MTA3: variants seen among roughly 807,000 people sequenced by gnomAD.
The protein encoded by MTA3 is metastasis-associated protein MTA3.
Under a neutral mutation model 83.5 loss-of-function variants are expected in MTA3, and 34 were observed. The ratio of observed to expected loss-of-function variants is 0.41; its 90% CI spans 0.31 to 0.54. MTA3 has a LOEUF of 0.54. MTA3 is among the 20% of genes least tolerant of loss of function. MTA3 has a pLI of 0.33. For synonymous variants in MTA3, 303 were observed against 252.7 expected (o/e 1.20, Z -1.89); for missense variants, 761 against 726.4 (o/e 1.05, Z -0.55).
chr2:42,566,066 T>C (rs1677898744), upstream of MTA3, among the ~76,000 whole-genome samples: 1 of 152,064 alleles, frequency 6.6e-6, no homozygotes, highest in Non-Finnish European at 1.5e-5. Flanking sequence ...CCAGTAGTCA[T>C]ATTTTGTAAC....
chr2:42,525,862 G>A (rs538966267), intron 2 of MTA3, among the ~76,000 whole-genome samples: 6 of 151,808 alleles, frequency 4.0e-5, no homozygotes, highest in Non-Finnish European at 7.4e-5. Flanking sequence ...GTTTCACCTC[G>A]TTGCCCAAGC....
chr2:42,519,355 CAGCACTTTGAG>C (rs1163628045), intron 2 of MTA3, among the ~76,000 whole-genome samples: 3 of 151,610 alleles, frequency 2.0e-5, no homozygotes, highest in Non-Finnish European at 4.4e-5. Flanking sequence ...ACTGTGATCC[CAGCACTTTGAG>C]AGGCTTAGGC....
At chr2:42,499,798 AAGAC>A (rs1180861458) in intron 2 of MTA3, among the ~76,000 whole-genome samples, 3 of 152,062 alleles carry the variant, frequency 2.0e-5, no homozygotes, top group Admixed American at 6.6e-5. Flanking sequence ...GAATAATAAA[AAGAC>A]AGAAAGAAAC....
At chr2:42,512,329 G>GT (rs1674942174) in intron 2 of MTA3, among the ~76,000 whole-genome samples, 2 of 152,128 alleles carry the variant, frequency 1.3e-5, no homozygotes, top group African/African-American at 4.8e-5. Flanking sequence ...AGCTTTCCTA[G>GT]TTTTTCGGGA....
chr2:42,584,726 G>A (rs1380950128), intron 3 of MTA3, among the ~76,000 whole-genome samples: 1 of 151,992 alleles, frequency 6.6e-6, no homozygotes, highest in Non-Finnish European at 1.5e-5. Context: ...GATTAGCTGG[G>A]TGTGGTGGCA....
chr2:42,685,820 A>G (rs912051298), intron 9 of MTA3, among the ~76,000 whole-genome samples: 2 of 151,922 alleles, frequency 1.3e-5, no homozygotes, highest in African/African-American at 2.4e-5. Flanking sequence ...TTTTTGTGGT[A>G]GTTGTTGTTT....
intron 4 of MTA3, among the ~76,000 whole-genome samples, chr2:42,624,009 G>T (rs528793912): frequency 6.6e-6 from 1 of 151,924 alleles, no homozygotes. Context: ...CACTTCGCCC[G>T]GTCTGGTAGT....
intron 9 of MTA3, among the ~76,000 whole-genome samples, chr2:42,684,198 C>G (rs1227395836): frequency 6.6e-6 from 1 of 152,066 alleles, no homozygotes; most frequent in Non-Finnish European, 1.5e-5. Flanking sequence ...GGTGAAATTT[C>G]CATTTGAGAT....
intron 2 of MTA3, among the ~76,000 whole-genome samples, chr2:42,497,235 A>G (rs1365953804): frequency 6.6e-6 from 1 of 151,230 alleles, no homozygotes; most frequent in Non-Finnish European, 1.5e-5. Flanking sequence ...AAAAAACAAA[A>G]CAAACAAAAC....
intron 14 of MTA3, among the ~76,000 whole-genome samples, chr2:42,718,451 G>A (rs1667180745): frequency 6.6e-6 from 1 of 151,286 alleles, no homozygotes; most frequent in African/African-American, 2.4e-5. Flanking sequence ...TCTCCATGTT[G>A]GACAGGCTGG....
intron 8 of MTA3, among the ~76,000 whole-genome samples, chr2:42,669,170 C>T (rs749166057): frequency 1.3e-5 from 2 of 151,266 alleles, no homozygotes; most frequent in African/African-American, 4.9e-5. Flanking sequence ...CTGCAACCTC[C>T]ACCTTCTGGG....
At chr2:42,721,334 T>C (rs1667395281) in intron 15 of MTA3, among the ~76,000 whole-genome samples, 2 of 150,862 alleles carry the variant, frequency 1.3e-5, no homozygotes, top group East Asian at 3.9e-4. Context: ...CTTTTTCTTT[T>C]TTTTTTTTTT....
intron 2 of MTA3, among the ~76,000 whole-genome samples, chr2:42,549,837 A>C (rs1244611208): frequency 6.7e-6 from 1 of 150,108 alleles, no homozygotes; most frequent in Non-Finnish European, 1.5e-5. Flanking sequence ...GTCCCACTGT[A>C]AGATGAAATC....
chr2:42,643,645 C>G (rs1469505321), intron 5 of MTA3, among the ~76,000 whole-genome samples: 1 of 152,158 alleles, frequency 6.6e-6, no homozygotes, highest in Non-Finnish European at 1.5e-5. Flanking sequence ...GTAAGTTCAA[C>G]TCATGCAGTT....
chr2:42,518,377 GACAA>G (rs916419470), intron 2 of MTA3, among the ~76,000 whole-genome samples: 2 of 152,070 alleles, frequency 1.3e-5, no homozygotes, highest in African/African-American at 2.4e-5. Flanking sequence ...TGCTCAAACA[GACAA>G]ACAAATAAAA....
intron 2 of MTA3, among the ~76,000 whole-genome samples, chr2:42,508,610 G>A (rs1674748690): frequency 6.6e-6 from 1 of 151,896 alleles, no homozygotes; most frequent in African/African-American, 2.4e-5. Flanking sequence ...TGGGATTACA[G>A]GTGTGAGCCA....
At chr2:42,682,201 A>G (rs922756337) in intron 8 of MTA3, among the ~76,000 whole-genome samples, 200 bp from the exon 9 acceptor site, 9 of 152,180 alleles carry the variant, frequency 5.9e-5, no homozygotes, top group African/African-American at 2.2e-4. Context: ...CCTCCCCCCA[A>G]ATAAGGGTAC....
In MTA3 at chr2:42,562,122, CT is replaced by C. The variant is rs1677700885; in HGVS notation, c.-140-8311del. On this transcript the variant is annotated intron_variant, in intron 2 of 17. Coordinates refer to the MTA3 transcript ENST00000405592. Reference sequence around the variant, plus strand: ...GCGTCTCCCTTCACAGGGCTGCCCCCTTTTCTCTGTGTCTTTCTTCTTCTGT... The same window carrying C: ...GCGTCTCCCTTCACAGGGCTGCCCCCTTTCTCTGTGTCTTTCTTCTTCTGT... Among the ~76,000 whole-genome samples the C allele has an allele frequency of 3.9e-5, 6 of 152,124 alleles. No individual in the cohort carries two copies. In the South Asian group the frequency reaches 1.2e-3, roughly 32 times the overall value.
intron 16 of MTA3, among the ~76,000 whole-genome samples, chr2:42,725,708 A>G (rs1667761955): frequency 6.6e-6 from 1 of 152,200 alleles, no homozygotes; most frequent in East Asian, 1.9e-4. Flanking sequence ...TGGTTCTGGT[A>G]CAAGCTTCTG....
Sources: allele counts gnomAD v4.1 joint callset (sites outside exome capture counted in the v4.1 genomes callset), GRCh38; gene constraint gnomAD v4.1.1; transcripts MANE v1.5; gene names NCBI Gene and HGNC (gene_info 2026-07-23, HGNC 2026-07-21).